The following XKR5 variants were observed in gnomAD, a reference collection of about 807,000 sequenced individuals.
XKR5 encodes XK related 5, also known as XK-related protein 5.
XKR5 carries 46 observed loss-of-function variants against 40.8 expected under a neutral mutation model. That is an observed-to-expected ratio of 1.13 (90% confidence interval 0.89 to 1.44). The LOEUF is 1.44. Ranked by LOEUF, XKR5 falls within the 40% of genes most tolerant of loss-of-function variation. The pLI is 0.00. For missense variants in XKR5, 1,169 were observed against 844.7 expected (o/e 1.38, Z -4.76); for synonymous variants, 466 against 356.1 (o/e 1.31, Z -3.48).
rs540732934 is a variant in XKR5, at chr8:6,812,950, G to C, written c.920-611C>G. On this transcript the variant is annotated intron_variant, in intron 6 of 6. Coordinates refer to ENST00000618742, the MANE Select transcript of XKR5 (RefSeq NM_207411.5). ...TCAGTTTAATTTATTTTGATCAGAA[G>C]TGTTGACTGCTGCAATAATTTCTTT... is the stretch of plus-strand genomic sequence containing the variant. Among the ~76,000 whole-genome samples the C allele has an allele frequency of 8.1e-4, 124 of 152,364 alleles. 1 individual carries two copies. In the South Asian group the frequency reaches 0.024, roughly 29 times the overall value.
At chr8:6,834,658 T>A (rs560879837) in intron 1 of XKR5, among the ~76,000 whole-genome samples, 8 of 151,932 alleles carry the variant, frequency 5.3e-5, no homozygotes, top group Admixed American at 5.2e-4. Context: ...AAGGCGGCGT[T>A]CCCAGGGTAC....
rs201068079 is a variant in XKR5 at position 6,825,272 on chromosome 8, G to C, written c.320C>G (p.Ala107Gly). The C allele has an allele frequency of 1.3e-5, 21 of 1,610,478 alleles. No individual in the cohort carries two copies. The East Asian group carries it at 2.5e-4, about 19-fold the overall frequency. Residue 107 changes from alanine (A) to glycine (G), a missense_variant, in exon 3 of 7, where the codon GCC (alanine) becomes GGC (glycine). Coordinates refer to ENST00000618742, the MANE Select transcript of XKR5 (RefSeq NM_207411.5). ...CAAGAGTCGAAGGGCCGACAGGTCG[G>C]CCTCCTGCAGCTGCAGCCAGCCTCG... ...PHRGWLQLQE[A>G]DLSALRLLEA...
chr8:6,815,761 T>TA (rs1282301759), intron 6 of XKR5, 46 bp downstream of exon 6: 23 of 1,315,176 alleles, frequency 1.7e-5, no homozygotes, highest in Non-Finnish European at 2.3e-5. Flanking sequence ...AAAAAAAAAA[T>TA]ACGTTGGGGA....
chr8:6,831,405 C>A lies in XKR5; in HGVS notation c.242+1312G>T, dbSNP rs560352154. 2.2e-4 allele frequency among the ~76,000 whole-genome samples: 34 copies of A among 152,302 alleles called. No homozygotes were observed. In the South Asian group the frequency reaches 2.7e-3, roughly 12 times the overall value. ...GTGCTGTTAGAGGTTTAGGGTCCAA[C>A]TCTGAGGGTCCAGTGAAACTGAGAG... On this transcript the variant is annotated intron_variant, in intron 2 of 6. Coordinates refer to ENST00000618742, the MANE Select transcript of XKR5 (RefSeq NM_207411.5).
intron 2 of XKR5, among the ~76,000 whole-genome samples, chr8:6,827,246 G>A (rs552612935): frequency 2.0e-5 from 3 of 152,228 alleles, no homozygotes; most frequent in East Asian, 1.9e-4. Flanking sequence ...GCCTGCACAC[G>A]AGCCTGCTGC....
chr8:6,821,028 T>C (rs1489122232), intron 5 of XKR5, among the ~76,000 whole-genome samples: 3 of 152,100 alleles, frequency 2.0e-5, no homozygotes, highest in African/African-American at 7.2e-5. Context: ...ATGTAGATCT[T>C]ATTTAATCTT....
rs138003027 is a variant in XKR5, at chr8:6,810,636, C to T, written c.*562G>A. 1.8e-3 allele frequency: 278 copies of T among 152,578 alleles called. No individual in the cohort carries two copies. Among genetic ancestry groups the T allele is most frequent in the Admixed American group, 4.4e-3 (68 of 15,318 alleles). 9.5% of individuals were successfully genotyped at this position (152,578 alleles called of 1,614,324 possible). On this transcript the variant is annotated 3_prime_UTR_variant, in exon 7 of 7. Transcript: ENST00000618742. The stretch of plus-strand genomic sequence containing the variant: ...CCTTTTTAAAAGCTCTAATATTGTC[C>T]CCTAACCAAAAGATATGGGAATCTT...
chr8:6,815,797 T>G lies in XKR5; in HGVS notation c.919+10A>C. 1 of 1,574,044 alleles carries G rather than the reference T, an allele frequency of 6.4e-7. No homozygotes were observed. Among genetic ancestry groups the G allele is most frequent in the East Asian group, 2.3e-5 (1 of 43,500 alleles). On this transcript the variant is annotated intron_variant, in intron 6 of 6. Transcript: ENST00000618742. ...GGGGATGCAGAGAAGAAGGTGACAT[T>G]GGGACTTACCAATCAGAAATCCAGA...
chr8:6,819,763 T>C (rs971780932), intron 5 of XKR5, among the ~76,000 whole-genome samples: 100 of 152,266 alleles, frequency 6.6e-4, no homozygotes, highest in African/African-American at 2.4e-3. Context: ...CGGAGTTATG[T>C]GTTATTTCAC....
At chr8:6,814,792 G>T (rs1803884547) in intron 6 of XKR5, among the ~76,000 whole-genome samples, 1 of 152,202 alleles carries the variant, frequency 6.6e-6, no homozygotes, top group Non-Finnish European at 1.5e-5. Flanking sequence ...GCTCTCAAAT[G>T]CTTGTTACGA....
rs1385869465 is a variant in XKR5 at position 6,835,494 on chromosome 8, C to G, written c.-1G>C. The stretch of plus-strand genomic sequence containing the variant: ...AGAGCCCCAGGAGCCTCGCGTGCAT[C>G]TTCCGTGCCGACCCCGCAGCCTGCG... On this transcript the variant is annotated 5_prime_UTR_variant, in exon 1 of 7. Transcript: ENST00000618742. The G allele has an allele frequency of 6.7e-7, 1 of 1,499,910 alleles. No homozygotes were observed. The highest frequency in any genetic ancestry group is 1.2e-5 in the South Asian group (1 of 80,156). 92.9% of individuals were successfully genotyped at this position (1,499,910 alleles called of 1,614,324 possible).
rs1340795639 is a variant in XKR5, at chr8:6,823,680, A to C, written c.478T>G (p.Tyr160Asp). Residue 160 changes from tyrosine to aspartate, a missense_variant, in exon 4 of 7, where the codon TAC becomes GAC. Physicochemically the swap from Tyr to Asp is radical, Grantham distance 160. Transcript: ENST00000618742. ...TTCATGAAGCCCATGAAGCGAGTGT[A>C]GGACACCAGTGCCCAGGAGAGTGAG... is the stretch of plus-strand genomic sequence containing the variant. ...WSSLSWALVSYTRFMGFMKPG... is the reference protein window; with the variant it reads ...WSSLSWALVSDTRFMGFMKPG... The C allele has an allele frequency of 6.3e-7, 1 of 1,591,456 alleles. No homozygotes were observed. Among genetic ancestry groups the C allele is most frequent in the Admixed American group, 1.8e-5 (1 of 56,766 alleles).
Position 6,811,190 on chromosome 8 carries a change from G to A in XKR5, c.*8C>T. Reference sequence around the variant, plus strand: ...TCAGCCTGTTGTCTTATCCCACCATGACTGTGGTCAGATGAAAAAACTCGG... The same window carrying A: ...TCAGCCTGTTGTCTTATCCCACCATAACTGTGGTCAGATGAAAAAACTCGG... On this transcript the variant is annotated 3_prime_UTR_variant, in exon 7 of 7. Coordinates refer to ENST00000618742, the MANE Select transcript of XKR5 (RefSeq NM_207411.5). 2 of 1,531,096 alleles carry A rather than the reference G, an allele frequency of 1.3e-6. No individual in the cohort carries two copies. The highest frequency in any genetic ancestry group is 1.2e-5 in the South Asian group (1 of 83,460). 94.8% of individuals were successfully genotyped at this position (1,531,096 alleles called of 1,614,324 possible). A position where few individuals can be genotyped will look rare whatever the true frequency, so the allele number is the denominator to read the frequency against.
chr8:6,823,574 A>T lies in XKR5; in HGVS notation c.584T>A (p.Leu195Gln), dbSNP rs952877967. ...WRMGMLGTRV[L>Q]SLVLFYKAYH... is the part of the protein sequence containing the mutation. ...GGCTTTGTAGAACAGAACCAGACTC[A>T]GCACGCGGGTTCCCAACATGCCCAT... The change falls in exon 4 of 7, where the codon CTG (leucine) becomes CAG (glutamine). Residue 195 changes from leucine (L) to glutamine (Q), a missense_variant. Physicochemically the swap from Leu to Gln is moderately radical, Grantham distance 113. Transcript: ENST00000618742. 6.3e-7 allele frequency: 1 copy of T among 1,596,990 alleles called. No homozygotes were observed. Among genetic ancestry groups the T allele is most frequent in the African/African-American group, 1.3e-5 (1 of 74,664 alleles).
rs558577551 is a variant in XKR5, at chr8:6,827,422, C to A, written c.243-2073G>T. On this transcript the variant is annotated intron_variant, in intron 2 of 6. Transcript: ENST00000618742. ...CTGACTGGCAGGTGACAAGCTGGACCCTGATGGGTGGCAAACATTTCTATG... is the reference window on the plus strand; with the variant it reads ...CTGACTGGCAGGTGACAAGCTGGACACTGATGGGTGGCAAACATTTCTATG... Among the ~76,000 whole-genome samples, 127 of 152,276 alleles carry A rather than the reference C, an allele frequency of 8.3e-4. 2 individuals carry two copies. The highest frequency in any genetic ancestry group is 2.7e-3 in the African/African-American group (114 of 41,558).
intron 4 of XKR5, among the ~76,000 whole-genome samples, chr8:6,822,827 T>C (rs1174840947): frequency 6.6e-6 from 1 of 152,138 alleles, no homozygotes. Flanking sequence ...AGGGCTTGGA[T>C]TTAGTGGAGC....
At chr8:6,817,570 T>A (rs1804021191) in intron 5 of XKR5, among the ~76,000 whole-genome samples, 1 of 151,878 alleles carries the variant, frequency 6.6e-6, no homozygotes, top group Admixed American at 6.6e-5. Flanking sequence ...ACCCCTACGA[T>A]GCTGACCTCA....
chr8:6,835,301 T>C, intron 1 of XKR5, 135 bp downstream of exon 1: 1 of 877,786 alleles, frequency 1.1e-6, no homozygotes. Flanking sequence ...GCCACCACCG[T>C]GCGTCACCGG....
chr8:6,815,522 C>T (rs1320895854), intron 6 of XKR5, among the ~76,000 whole-genome samples: 1 of 152,074 alleles, frequency 6.6e-6, no homozygotes, highest in Non-Finnish European at 1.5e-5. Context: ...AAGTCACGTC[C>T]TCAACCCTGC....
Sources: gnomAD v4.1 joint callset for allele counts (sites outside exome capture counted in the v4.1 genomes callset) on GRCh38, gnomAD v4.1.1 for gene constraint, MANE v1.5 for transcripts, NCBI Gene and HGNC (gene_info 2026-07-23, HGNC 2026-07-21) for gene names.